TENM3: variants seen among roughly 807,000 people sequenced by gnomAD.
TENM3 encodes teneurin transmembrane protein 3.
TENM3 carries 63 observed loss-of-function variants against 255.1 expected under a neutral mutation model. That is an observed-to-expected ratio of 0.25 (90% CI 0.20 to 0.30). TENM3 has a LOEUF of 0.30. Ranked by LOEUF, TENM3 falls within the 10% of genes least tolerant of loss-of-function variation. The pLI is 1.00. For synonymous variants in TENM3, 1,306 were observed against 1,322.3 expected, an observed-to-expected ratio of 0.99 and a Z score of 0.27; for missense variants, 2,929 against 3,461.1, an observed-to-expected ratio of 0.85 and a Z score of 3.86.
At chr4:182,106,630 A>C in the TENM3 span, among the ~76,000 whole-genome samples, 5 of 152,162 alleles carry the variant, frequency 3.3e-5, no homozygotes, top group African/African-American at 7.2e-5. Flanking sequence ...GTAGGGTGTT[A>C]ATCCATGAGT....
intron 4 of TENM3, among the ~76,000 whole-genome samples, chr4:182,610,453 G>A (rs2152430011): frequency 6.6e-6 from 1 of 152,296 alleles, no homozygotes; most frequent in Middle Eastern, 3.4e-3. Flanking sequence ...GGCTGAGGCA[G>A]GTGGATCACT....
At chr4:181,595,124 T>C in the TENM3 span, among the ~76,000 whole-genome samples, 10 of 152,048 alleles carry the variant, frequency 6.6e-5, no homozygotes, top group Non-Finnish European at 1.5e-4. Context: ...TCACCCTGCA[T>C]GATTTTCTAC....
chr4:181,611,430 TC>T, the TENM3 span, among the ~76,000 whole-genome samples: 3 of 152,288 alleles, frequency 2.0e-5, no homozygotes, highest in African/African-American at 4.8e-5. Context: ...CTTTTATTCC[TC>T]CTCTTCTGCG....
the TENM3 span, among the ~76,000 whole-genome samples, chr4:181,894,980 A>C: frequency 6.0e-4 from 92 of 152,180 alleles, no homozygotes; most frequent in African/African-American, 2.2e-3. Flanking sequence ...AACTTTAATC[A>C]CTTCTTTCAA....
chr4:182,769,088 C>T lies in TENM3; in HGVS notation c.4893-4384C>T, dbSNP rs148300924. 4.0e-3 allele frequency among the ~76,000 whole-genome samples: 611 copies of T among 152,300 alleles called. 6 individuals carry two copies. Among genetic ancestry groups the T allele is most frequent in the African/African-American group, 0.014 (580 of 41,562 alleles). ...CTAGTTCACCACTAAGGCCAAGCAA[C>T]GTTCAGTTGAGTCACACAGTTGCAA... On this transcript the variant is annotated intron_variant, in intron 22 of 27. Coordinates refer to ENST00000511685, the MANE Select transcript of TENM3 (RefSeq NM_001080477.4).
intron 3 of TENM3, among the ~76,000 whole-genome samples, chr4:182,409,888 A>C (rs539543638): frequency 1.3e-5 from 2 of 151,170 alleles, no homozygotes; most frequent in South Asian, 4.2e-4. Flanking sequence ...CAGTAGTGTG[A>C]TCATGGCTCA....
chr4:182,529,227 G>A (rs1000197534), intron 3 of TENM3, among the ~76,000 whole-genome samples: 15 of 152,104 alleles, frequency 9.9e-5, no homozygotes, highest in South Asian at 2.1e-4. Context: ...GAGGGAGGGC[G>A]GAGAACATTA....
At chr4:182,077,214 G>T in the TENM3 span, among the ~76,000 whole-genome samples, 2 of 152,136 alleles carry the variant, frequency 1.3e-5, no homozygotes, top group Non-Finnish European at 2.9e-5. Flanking sequence ...CTATGGGTCA[G>T]TTCATTGTCT....
intron 26 of TENM3, among the ~76,000 whole-genome samples, 158 bp downstream of exon 26, chr4:182,794,043 G>C (rs1020513423): frequency 2.0e-5 from 3 of 152,138 alleles, no homozygotes; most frequent in African/African-American, 4.8e-5. Context: ...TGGAACCATA[G>C]AGAAATCACA....
At chr4:182,574,347 G>T (rs1744710592) in intron 3 of TENM3, among the ~76,000 whole-genome samples, 1 of 151,818 alleles carries the variant, frequency 6.6e-6, no homozygotes, top group Non-Finnish European at 1.5e-5. Flanking sequence ...TTCCAGAAAG[G>T]ATACTCATAG....
chr4:182,290,752 C>T (rs989276464), intron 1 of TENM3, among the ~76,000 whole-genome samples: 2 of 151,672 alleles, frequency 1.3e-5, no homozygotes, highest in Non-Finnish European at 2.9e-5. Flanking sequence ...ATCCGCCTGC[C>T]TCGGCCTCCC....
the TENM3 span, among the ~76,000 whole-genome samples, chr4:181,541,983 A>G: frequency 6.6e-6 from 1 of 152,146 alleles, no homozygotes; most frequent in Admixed American, 6.5e-5. Flanking sequence ...CCTTATAAGA[A>G]TTTATTCGAC....
At chr4:181,784,268 A>G in the TENM3 span, among the ~76,000 whole-genome samples, 1 of 151,984 alleles carries the variant, frequency 6.6e-6, no homozygotes, top group East Asian at 1.9e-4. Flanking sequence ...TTTGAATCAC[A>G]TATGAGTGAC....
At chr4:181,913,050 G>A in the TENM3 span, among the ~76,000 whole-genome samples, 1 of 152,154 alleles carries the variant, frequency 6.6e-6, no homozygotes, top group African/African-American at 2.4e-5. Flanking sequence ...TGCTTAGAAA[G>A]GATACTTGAA....
intron 1 of TENM3, among the ~76,000 whole-genome samples, chr4:182,265,118 C>T (rs1371405412): frequency 2.0e-5 from 3 of 152,226 alleles, no homozygotes; most frequent in African/African-American, 2.4e-5. Flanking sequence ...GAATTAAAGG[C>T]AGGTAGTTCC....
the TENM3 span, among the ~76,000 whole-genome samples, chr4:181,998,676 C>G: frequency 6.6e-6 from 1 of 152,166 alleles, no homozygotes; most frequent in Non-Finnish European, 1.5e-5. Flanking sequence ...ATGACCTCAG[C>G]AGAAAAGCTC....
At chr4:181,707,551 C>T in the TENM3 span, among the ~76,000 whole-genome samples, 2 of 152,122 alleles carry the variant, frequency 1.3e-5, no homozygotes, top group Non-Finnish European at 2.9e-5. Flanking sequence ...AGCTAAGCAT[C>T]CAAGAGTGGT....
chr4:181,719,192 G>A, the TENM3 span, among the ~76,000 whole-genome samples: 7 of 148,390 alleles, frequency 4.7e-5, no homozygotes, highest in African/African-American at 9.7e-5. Flanking sequence ...CGGCCTGGGC[G>A]ACAGAGCGAG....
At chr4:181,700,085 T>C in the TENM3 span, among the ~76,000 whole-genome samples, 1 of 152,184 alleles carries the variant, frequency 6.6e-6, no homozygotes, top group Non-Finnish European at 1.5e-5. Context: ...TCAGTGAGAC[T>C]TTCCAATAAA....
Sources: gnomAD v4.1 joint callset for allele counts (sites outside exome capture counted in the v4.1 genomes callset) on GRCh38, gnomAD v4.1.1 for gene constraint, MANE v1.5 for transcripts, NCBI Gene and HGNC (gene_info 2026-07-23, HGNC 2026-07-21) for gene names.